RBFOX1: variants seen among roughly 807,000 people sequenced by gnomAD.
RBFOX1 encodes RNA binding protein fox-1 homolog 1.
RBFOX1 carries 8 observed loss-of-function variants against 57.7 expected under a neutral mutation model. The observed-to-expected ratio is 0.14, with a 90% CI of 0.08 to 0.25. The LOEUF (loss-of-function observed/expected upper bound fraction) is 0.25. Among genes scored for constraint, RBFOX1 ranks in the 10% least tolerant of loss-of-function variants. The pLI is 1.00. For synonymous variants in RBFOX1, 326 were observed against 222.4 expected (o/e 1.47, Z -4.15); for missense variants, 611 against 548.5 (o/e 1.11, Z -1.14).
intron 3 of RBFOX1, among the ~76,000 whole-genome samples, chr16:7,003,588 A>C (rs1436172109): frequency 6.6e-6 from 1 of 152,228 alleles, no homozygotes; most frequent in African/African-American, 2.4e-5. Flanking sequence ...AAGGTATTAA[A>C]ATACCTCTGG....
intron 1 of RBFOX1, among the ~76,000 whole-genome samples, chr16:6,050,971 T>C (rs2095546131): frequency 2.0e-5 from 3 of 148,708 alleles, no homozygotes; most frequent in East Asian, 2.0e-4. Context: ...ATGACTCTGC[T>C]TGTCTTTGGT....
upstream of RBFOX1, among the ~76,000 whole-genome samples, chr16:6,017,152 C>G (rs903856118): frequency 1.3e-5 from 2 of 152,138 alleles, no homozygotes; most frequent in African/African-American, 4.8e-5. Flanking sequence ...CCAGCAATTA[C>G]CCATTTTAAT....
chr16:7,129,334 C>A (rs964209728), intron 4 of RBFOX1, among the ~76,000 whole-genome samples: 2 of 152,046 alleles, frequency 1.3e-5, no homozygotes, highest in African/African-American at 4.8e-5. Flanking sequence ...GTCTTCATTT[C>A]TAAGATGAGG....
intron 5 of RBFOX1, among the ~76,000 whole-genome samples, chr16:7,577,355 G>A (rs2093419752): frequency 6.6e-6 from 1 of 152,028 alleles, no homozygotes; most frequent in Admixed American, 6.6e-5. Context: ...CTTCATACAT[G>A]CCTCATCTGA....
intron 3 of RBFOX1, among the ~76,000 whole-genome samples, chr16:7,035,672 T>C (rs1369475016): frequency 1.3e-5 from 2 of 152,208 alleles, no homozygotes; most frequent in Admixed American, 6.5e-5. Context: ...TTAATCCTGA[T>C]GATGATAAAG....
At chr16:6,027,885 G>T (rs189677784) in intron 1 of RBFOX1, among the ~76,000 whole-genome samples, 1 of 152,184 alleles carries the variant, frequency 6.6e-6, no homozygotes, top group African/African-American at 2.4e-5. Context: ...ACAGACTTGA[G>T]GCCCTGTGTG....
At chr16:5,928,549 A>T (rs2058981540) in intron 4 of RBFOX1, among the ~76,000 whole-genome samples, 1 of 152,142 alleles carries the variant, frequency 6.6e-6, no homozygotes. Context: ...TTAAAATAAA[A>T]TTGTTATGTT....
intron 13 of RBFOX1, among the ~76,000 whole-genome samples, chr16:7,667,811 T>C (rs1597656570): frequency 6.6e-6 from 1 of 152,232 alleles, no homozygotes; most frequent in East Asian, 1.9e-4. Context: ...GTAGCTGGGA[T>C]TACAGGCGCC....
intron 3 of RBFOX1, among the ~76,000 whole-genome samples, chr16:6,911,567 C>A (rs1311566291): frequency 1.3e-5 from 2 of 152,116 alleles, no homozygotes; most frequent in African/African-American, 2.4e-5. Flanking sequence ...GAACTATGAC[C>A]CATAATGACT....
rs150646462 is a variant in RBFOX1, at chr16:6,236,685, G to A, written c.-126-80310G>A. ...AGGCTGGTCTCAAACTCCTGAGCTC[G>A]GATGATCCACCCACCTCAGACTCCT... On this transcript the variant is annotated intron_variant, in intron 1 of 15. Transcript: ENST00000550418. Among the ~76,000 whole-genome samples, 324 of 152,064 alleles carry A rather than the reference G, an allele frequency of 2.1e-3. 2 individuals are homozygous for A. The highest frequency in any genetic ancestry group is 6.9e-3 in the African/African-American group (287 of 41,476).
At chr16:6,627,321 C>G (rs1465810480) in intron 2 of RBFOX1, among the ~76,000 whole-genome samples, 2 of 152,126 alleles carry the variant, frequency 1.3e-5, no homozygotes, top group Admixed American at 6.6e-5. Context: ...TATACCTTAC[C>G]TACTCTAGGT....
At chr16:6,513,006 C>T (rs770530779) in intron 2 of RBFOX1, among the ~76,000 whole-genome samples, 1 of 152,176 alleles carries the variant, frequency 6.6e-6, no homozygotes, top group African/African-American at 2.4e-5. Flanking sequence ...TCCTACTTCT[C>T]ATCGATGTCT....
intron 3 of RBFOX1, among the ~76,000 whole-genome samples, chr16:6,690,015 G>A (rs1380672255): frequency 2.6e-5 from 4 of 152,180 alleles, no homozygotes; most frequent in Admixed American, 6.5e-5. Flanking sequence ...TGATAAACAA[G>A]TTAATCTTCT....
chr16:5,978,110 G>A (rs2060101635), intron 4 of RBFOX1, among the ~76,000 whole-genome samples: 1 of 115,400 alleles, frequency 8.7e-6, no homozygotes. Flanking sequence ...GGCATCCTAG[G>A]GAGAATCCTG....
At chr16:6,011,188 G>C (rs543936230) in intron 4 of RBFOX1, among the ~76,000 whole-genome samples, 1 of 152,210 alleles carries the variant, frequency 6.6e-6, no homozygotes, top group South Asian at 2.1e-4. Flanking sequence ...AGTACATTAA[G>C]GCAAAGCTAT....
chr16:6,921,548 T>A (rs2153454822), intron 3 of RBFOX1, among the ~76,000 whole-genome samples: 1 of 152,132 alleles, frequency 6.6e-6, no homozygotes, highest in East Asian at 1.9e-4. Context: ...GCCTTTGCCA[T>A]AGGTCCTCTC....
chr16:7,502,916 G>A lies in RBFOX1; in HGVS notation c.28-15231G>A, dbSNP rs187252573. Among the ~76,000 whole-genome samples, 9 of 152,186 alleles carry A rather than the reference G, an allele frequency of 5.9e-5. 1 individual carries two copies. The South Asian group carries it at 1.2e-3, about 21-fold the overall frequency. On this transcript the variant is annotated intron_variant, in intron 4 of 15. Transcript: ENST00000550418. ...CAGGTGCCTGTAATCCTAGCTACTCGGGAGCCTGAGGCAGGAGAGTCGCTT... is the reference window on the plus strand; with the variant it reads ...CAGGTGCCTGTAATCCTAGCTACTCAGGAGCCTGAGGCAGGAGAGTCGCTT...
chr16:6,232,767 C>T (rs2097474006), intron 1 of RBFOX1, among the ~76,000 whole-genome samples: 1 of 152,112 alleles, frequency 6.6e-6, no homozygotes, highest in Admixed American at 6.6e-5. Context: ...GCAGTGACCT[C>T]GAGGTCTTGC....
intron 4 of RBFOX1, among the ~76,000 whole-genome samples, chr16:7,269,113 C>G (rs2095254621): frequency 6.7e-6 from 1 of 149,796 alleles, no homozygotes; most frequent in Non-Finnish European, 1.5e-5. Flanking sequence ...GCCCATAGTC[C>G]TTCGTCTTCC....
Sources: allele counts gnomAD v4.1 joint callset (sites outside exome capture counted in the v4.1 genomes callset), GRCh38; gene constraint gnomAD v4.1.1; transcripts MANE v1.5; gene names NCBI Gene and HGNC (gene_info 2026-07-23, HGNC 2026-07-21).